The following PLEKHA6 variants were observed in gnomAD, a reference collection of about 807,000 sequenced individuals.
PLEKHA6 encodes the protein pleckstrin homology domain containing A6.
A neutral mutation model predicts 116.7 loss-of-function variants in PLEKHA6; 60 were observed. The observed-to-expected ratio is 0.51, with a 90% confidence interval of 0.42 to 0.64. The LOEUF (loss-of-function observed/expected upper bound fraction) is 0.64, where lower values mean the gene tolerates loss of function less well. Among genes scored for constraint, PLEKHA6 ranks in the 30% least tolerant of loss-of-function variants. The pLI, the probability that PLEKHA6 is intolerant of heterozygous loss-of-function variation, is 0.00. For missense variants in PLEKHA6, 1,338 were observed against 1,422.7 expected (o/e 0.94, Z 0.96); for synonymous variants, 489 against 556.1 (o/e 0.88, Z 1.70).
At position 204,259,683 on chromosome 1, in the gene PLEKHA6, G is replaced by A. The variant is rs1665859230; in HGVS notation, c.582C>T (p.Pro194=). The change falls in exon 8 of 23, where the codon CCC becomes CCT. Residue 194 remains proline (P), a synonymous_variant. Transcript: ENST00000272203. The surrounding 1 kb of genome is among the most constrained non-coding windows in gnomAD (Gnocchi z 4.6). ...VPPSKHHQQP[P]HNSLPKPEPE... The stretch of plus-strand genomic sequence containing the variant: ...GCTCAGGCTTAGGGAGGCTGTTGTG[G>A]GGTGGCTGCTGGTGGTGCTTGCTGG... 6.2e-7 allele frequency: 1 copy of A among 1,614,056 alleles called. No homozygotes were observed. The highest frequency in any genetic ancestry group is 8.5e-7 in the Non-Finnish European group (1 of 1,179,972).
In PLEKHA6 at chr1:204,268,272, C is replaced by T. The variant is rs1225295333; in HGVS notation, c.143G>A (p.Arg48His). ...TARKAVAFGKRSHSMKRNPNA... is the reference protein window; with the variant it reads ...TARKAVAFGKHSHSMKRNPNA... ...GGGGTTCCGCTTCATGGAGTGTGAGCGCTTGCCAAAGGCGACGGCTTTGCG... is the reference window on the plus strand; with the variant it reads ...GGGGTTCCGCTTCATGGAGTGTGAGTGCTTGCCAAAGGCGACGGCTTTGCG... The change falls in exon 4 of 23, where the codon CGC becomes CAC. Residue 48 changes from arginine (R) to histidine (H), a missense_variant. Physicochemically the swap from Arg to His is conservative, Grantham distance 29. Coordinates refer to ENST00000272203, the MANE Select transcript of PLEKHA6 (RefSeq NM_014935.5). The T allele has an allele frequency of 6.2e-7, 1 of 1,612,284 alleles. No homozygotes were observed. The highest frequency in any genetic ancestry group is 1.1e-5 in the South Asian group (1 of 90,844).
intron 18 of PLEKHA6, 84 bp downstream of exon 18, chr1:204,230,329 C>A: frequency 8.5e-7 from 1 of 1,176,460 alleles, no homozygotes; most frequent in Non-Finnish European, 1.2e-6. Flanking sequence ...TCAAACCCCC[C>A]AGGCCCAAGC....
chr1:204,308,691 T>TTCTTTC lies in PLEKHA6; in HGVS notation c.-94-33883_-94-33882insGAAAGA, dbSNP rs1450576362. ...AAGGTAATTCTTTTTCTTTTTCTTT[T>TTCTTTC]TTTTTTTTTTTTTTTTTGAGACAGA... On this transcript the variant is annotated intron_variant, in intron 1 of 22. Transcript: ENST00000272203. Among the ~76,000 whole-genome samples, 94 of 96,060 alleles carry TTCTTTC rather than the reference T, an allele frequency of 9.8e-4. 3 individuals are homozygous for TTCTTTC. The highest frequency in any genetic ancestry group is 3.7e-3 in the African/African-American group (93 of 24,882). The allele number at this position is 96,060 out of a possible 152,430, so 63.0% of individuals were successfully genotyped here. A position where few individuals can be genotyped will look rare whatever the true frequency, so the allele number is the denominator to read the frequency against.
chr1:204,367,731 C>G (rs1268064728), intron 3 of PLEKHA6: 1 of 152,332 alleles, frequency 6.6e-6, no homozygotes, highest in Non-Finnish European at 1.5e-5. Flanking sequence ...CTTTAACCAT[C>G]TCTCCTCCTG....
chr1:204,356,739 C>T (rs1192601428), intron 1 of PLEKHA6, among the ~76,000 whole-genome samples: 8 of 151,976 alleles, frequency 5.3e-5, no homozygotes. Context: ...CATAAAAGTA[C>T]AAGTATACCA....
At chr1:204,293,945 G>C (rs1670018419) in intron 1 of PLEKHA6, among the ~76,000 whole-genome samples, 1 of 152,160 alleles carries the variant, frequency 6.6e-6, no homozygotes, top group South Asian at 2.1e-4. Flanking sequence ...GACATTATTA[G>C]GACAACTGGT....
intron 1 of PLEKHA6, chr1:204,280,521 C>T (rs1019331119): frequency 1.1e-6 from 1 of 939,748 alleles, no homozygotes; most frequent in Non-Finnish European, 1.3e-6. Context: ...AAAGAATTAG[C>T]CCTGGCCCAG....
At chr1:204,308,243 G>T (rs1037003434) in intron 1 of PLEKHA6, among the ~76,000 whole-genome samples, 67 of 152,204 alleles carry the variant, frequency 4.4e-4, no homozygotes, top group African/African-American at 1.5e-3. Flanking sequence ...CATCTTGGAT[G>T]GTAGAAGGAA....
At chr1:204,306,639 C>T (rs1264116229) in intron 1 of PLEKHA6, among the ~76,000 whole-genome samples, 1 of 152,158 alleles carries the variant, frequency 6.6e-6, no homozygotes, top group African/African-American at 2.4e-5. Context: ...GACAGCTTTA[C>T]AGGTAGATTT....
chr1:204,227,946 G>T, intron 21 of PLEKHA6, 137 bp downstream of exon 21: 1 of 898,848 alleles, frequency 1.1e-6, no homozygotes, highest in Non-Finnish European at 1.6e-6. Flanking sequence ...ACAGATGCTC[G>T]TCTCAACCTC....
chr1:204,252,070 C>G (rs1427744755), intron 9 of PLEKHA6, among the ~76,000 whole-genome samples: 1 of 151,718 alleles, frequency 6.6e-6, no homozygotes, highest in Non-Finnish European at 1.5e-5. Flanking sequence ...GCCACAGATA[C>G]AGAGGCCTGC....
chr1:204,286,370 G>A (rs1473266693), intron 1 of PLEKHA6, among the ~76,000 whole-genome samples: 1 of 152,016 alleles, frequency 6.6e-6, no homozygotes, highest in African/African-American at 2.4e-5. Flanking sequence ...CAGCCGTGAA[G>A]AAAGACTGGG....
intron 1 of PLEKHA6, among the ~76,000 whole-genome samples, chr1:204,325,097 C>T (rs998833228): frequency 6.6e-6 from 1 of 152,114 alleles, no homozygotes; most frequent in Non-Finnish European, 1.5e-5. Flanking sequence ...GAGCCACCTC[C>T]ACACTGTACT....
At chr1:204,226,020 G>A (rs1038027803) in intron 21 of PLEKHA6, among the ~76,000 whole-genome samples, 3 of 152,162 alleles carry the variant, frequency 2.0e-5, no homozygotes, top group East Asian at 3.8e-4. Context: ...CACACCACAC[G>A]CGGGCACTGA....
chr1:204,262,292 C>G (rs1466228535), intron 6 of PLEKHA6, among the ~76,000 whole-genome samples: 1 of 152,156 alleles, frequency 6.6e-6, no homozygotes, highest in African/African-American at 2.4e-5. Flanking sequence ...CAGTGCTAAG[C>G]CTGGCTCTGC....
In PLEKHA6 at chr1:204,373,894, T is replaced by A. The variant is rs541848993; in HGVS notation, c.84-2288A>T. On this transcript the variant is annotated intron_variant, in intron 1 of 4. Coordinates refer to the PLEKHA6 transcript ENST00000564627. ...AGACTCTAACATACTGGGTCTCTGG[T>A]CTTGGCTTTGGTCCTGGGAGGCAGT... 2.6e-5 allele frequency among the ~76,000 whole-genome samples: 4 copies of A among 152,236 alleles called. No homozygotes were observed. The East Asian group carries it at 7.7e-4, about 29-fold the overall frequency.
chr1:204,243,315 A>G (rs1360992140), intron 15 of PLEKHA6: 3 of 399,580 alleles, frequency 7.5e-6, no homozygotes, highest in Non-Finnish European at 1.3e-5. Context: ...AGCCACTGTG[A>G]GAGCAGGAGA....
At chr1:204,231,738 T>G (rs1661207709) in intron 17 of PLEKHA6, among the ~76,000 whole-genome samples, 1 of 152,098 alleles carries the variant, frequency 6.6e-6, no homozygotes. Context: ...TGGCAAATTT[T>G]TTAATTATTA....
At chr1:204,250,257 G>A (rs1407097678) in intron 10 of PLEKHA6, among the ~76,000 whole-genome samples, 3 of 152,346 alleles carry the variant, frequency 2.0e-5, no homozygotes, top group South Asian at 4.1e-4. Context: ...TCTCACTGCC[G>A]TAGGCAAAAC....
Sources: allele counts gnomAD v4.1 joint callset (sites outside exome capture counted in the v4.1 genomes callset), GRCh38; gene constraint gnomAD v4.1.1; non-coding constraint Gnocchi (gnomAD v3.1); transcripts MANE v1.5; gene names NCBI Gene and HGNC (gene_info 2026-07-23, HGNC 2026-07-21).